DEPDC1: variants seen among roughly 807,000 people sequenced by gnomAD.
DEPDC1 encodes the protein DEP domain-containing protein 1A.
A neutral mutation model predicts 86.8 loss-of-function variants in DEPDC1; 66 were observed. That is an observed-to-expected ratio of 0.76 (90% CI 0.62 to 0.93). The LOEUF is 0.93. Among genes scored for constraint, DEPDC1 ranks in the 40% least tolerant of loss-of-function variants. DEPDC1 has a pLI of 0.00. For synonymous variants in DEPDC1, 255 were observed against 314.9 expected, an observed-to-expected ratio of 0.81 and a Z score of 2.02; for missense variants, 792 against 935.7, an observed-to-expected ratio of 0.85 and a Z score of 2.00.
At chr1:68,494,293 G>C (rs1646248699) in intron 2 of DEPDC1, 137 bp downstream of exon 2, 2 of 801,882 alleles carry the variant, frequency 2.5e-6, no homozygotes, top group Non-Finnish European at 3.7e-6. Context: ...AATGATTTTA[G>C]TTGAACTAAC....
At chr1:68,479,890 T>C (rs1341619654) in intron 9 of DEPDC1, among the ~76,000 whole-genome samples, 3 of 152,004 alleles carry the variant, frequency 2.0e-5, no homozygotes, top group Non-Finnish European at 2.9e-5. Flanking sequence ...TGTCACAATT[T>C]TATCAGTAAA....
Position 68,479,205 on chromosome 1 carries a change from T to G in DEPDC1, c.2051A>C (p.Gln684Pro). ...TGCAGTCTGTAAGTAAGAGGGTACT[T>G]GAAGAATTTCCTGATGATGATCCAT... ...FLMDHHQEIL[Q>P]VPSYLQTAVE... Residue 684 changes from glutamine to proline, a missense_variant, in exon 10 of 12, where the codon CAA becomes CCA. By Grantham distance (76) the Gln-to-Pro change is moderately conservative (BLOSUM62 -1). Coordinates refer to ENST00000456315, the MANE Select transcript of DEPDC1 (RefSeq NM_001114120.3). 6.2e-7 allele frequency: 1 copy of G among 1,612,250 alleles called. No individual in the cohort carries two copies. Among genetic ancestry groups the G allele is most frequent in the Non-Finnish European group, 8.5e-7 (1 of 1,179,294 alleles).
In DEPDC1 at chr1:68,476,686, C is replaced by A. The variant is rs550025262; in HGVS notation, c.*246G>T. The A allele has an allele frequency of 1.3e-5, 4 of 311,270 alleles. No homozygotes were observed. Among genetic ancestry groups the A allele is most frequent in the African/African-American group, 8.6e-5 (4 of 46,548 alleles). 19.3% of individuals were successfully genotyped at this position (311,270 alleles called of 1,614,324 possible). On this transcript the variant is annotated 3_prime_UTR_variant, in exon 12 of 12. Coordinates refer to ENST00000456315, the MANE Select transcript of DEPDC1 (RefSeq NM_001114120.3). The stretch of plus-strand genomic sequence containing the variant: ...AAAATTTTAGCACACATCATGATAG[C>A]CTTACTGGATAGCTGTGTTAAAAAC...
At position 68,482,061 on chromosome 1, in the gene DEPDC1, A is replaced by T. The variant is rs754677588; in HGVS notation, c.1747T>A (p.Leu583Met). 1.3e-6 allele frequency: 2 copies of T among 1,596,108 alleles called. No individual in the cohort carries two copies. The highest frequency in any genetic ancestry group is 1.7e-6 in the Non-Finnish European group (2 of 1,173,078). The change falls in exon 8 of 12, where the codon TTG (leucine) becomes ATG (methionine). Residue 583 changes from leucine to methionine, a missense_variant. Coordinates refer to ENST00000456315, the MANE Select transcript of DEPDC1 (RefSeq NM_001114120.3). ...ENSLLPASSMLTGTQSLLQPH... is the reference protein window; with the variant it reads ...ENSLLPASSMMTGTQSLLQPH... ...ACAGCCTTACTTTGTGTGCCAGTCA[A>T]CATAGAAGAAGCTGGAAGTAAAGAA...
chr1:68,479,776 C>A (rs1646141558), intron 9 of DEPDC1, among the ~76,000 whole-genome samples: 1 of 150,382 alleles, frequency 6.6e-6, no homozygotes, highest in Non-Finnish European at 1.5e-5. Context: ...GTACTCTAGC[C>A]TGGGAAACAG....
chr1:68,475,849 T>C lies in DEPDC1; in HGVS notation c.*1083A>G, dbSNP rs905554372. On this transcript the variant is annotated 3_prime_UTR_variant, in exon 12 of 12. Coordinates refer to ENST00000456315, the MANE Select transcript of DEPDC1 (RefSeq NM_001114120.3). ...TATAAAAAGCATTTAGGCCATTGAT[T>C]CTCACAGTTGGCTGAATATTGGAAT... The C allele has an allele frequency of 6.6e-6, 1 of 151,902 alleles. No individual in the cohort carries two copies. The highest frequency in any genetic ancestry group is 1.5e-5 in the Non-Finnish European group (1 of 67,858). 9.4% of individuals were successfully genotyped at this position (151,902 alleles called of 1,614,324 possible).
In DEPDC1 at chr1:68,482,421, G is replaced by C. The variant is rs779641961; in HGVS notation, c.1387C>G (p.Gln463Glu). ...NKLFLESKPKQEFLLNLHSEE... is the reference protein window; with the variant it reads ...NKLFLESKPKEEFLLNLHSEE... ...GAATGAAGATTCAACAGGAATTCCT[G>C]TTTGGGCTTAGACTCTAAAAACAGT... Residue 463 changes from glutamine (Q) to glutamate (E), a missense_variant, in exon 8 of 12, where the codon CAG (glutamine) becomes GAG (glutamate). By Grantham distance (29) the Gln-to-Glu change is conservative. Transcript: ENST00000456315. 3 of 1,612,800 alleles carry C rather than the reference G, an allele frequency of 1.9e-6. No homozygotes were observed. Among genetic ancestry groups the C allele is most frequent in the Non-Finnish European group, 2.5e-6 (3 of 1,179,254 alleles).
rs375613304 is a variant in DEPDC1 at position 68,477,705 on chromosome 1, A to G, written c.2298+82T>C. On this transcript the variant is annotated intron_variant, in intron 11 of 11. Coordinates refer to ENST00000456315, the MANE Select transcript of DEPDC1 (RefSeq NM_001114120.3). Reference sequence around the variant, plus strand: ...AAAATCTAAAATATTAAAATAAGAAAGTAGATTCTAAATGTTATTAACAAC... The same window carrying G: ...AAAATCTAAAATATTAAAATAAGAAGGTAGATTCTAAATGTTATTAACAAC... The G allele has an allele frequency of 1.1e-5, 10 of 896,830 alleles. No individual in the cohort carries two copies. In the South Asian group the frequency reaches 3.2e-4, roughly 29 times the overall value. The allele number at this position is 896,830 out of a possible 1,614,324, so 55.6% of individuals were successfully genotyped here. A position where few individuals can be genotyped will look rare whatever the true frequency, so the allele number is the denominator to read the frequency against.
chr1:68,496,891 T>A lies in DEPDC1; in HGVS notation c.48+61A>T. ...AAACTGCGAACGGTCGAGGTAAAAC[T>A]GCGAACAGTGGTGACTGCCGTCAGC... On this transcript the variant is annotated intron_variant, in intron 1 of 11. Transcript: ENST00000456315. This position sits in a 1 kb window ranked among gnomAD's most constrained non-coding sequence, Gnocchi z 4.0. The A allele has an allele frequency of 6.4e-7, 1 of 1,562,970 alleles. No homozygotes were observed. The highest frequency in any genetic ancestry group is 8.8e-7 in the Non-Finnish European group (1 of 1,139,304).
At chr1:68,478,937 C>T (rs146620146) in intron 10 of DEPDC1, among the ~76,000 whole-genome samples, 81 of 150,470 alleles carry the variant, frequency 5.4e-4, no homozygotes, top group African/African-American at 1.7e-3. Flanking sequence ...GAGCCATTGT[C>T]AAACACAGGA....
chr1:68,483,981 A>T lies in DEPDC1; in HGVS notation c.879T>A (p.Phe293Leu). The T allele has an allele frequency of 6.5e-7, 1 of 1,546,152 alleles. No homozygotes were observed. The highest frequency in any genetic ancestry group is 8.8e-7 in the Non-Finnish European group (1 of 1,140,866). ...TGTTTACAAATAATTCGTAATATTC[A>T]AAAGTAAGTAGAGGTTCAGGGAGAT... Reference protein sequence around the residue: ...FLDLPEPLLTFEYYELFVNIL... With the variant: ...FLDLPEPLLTLEYYELFVNIL... Residue 293 changes from phenylalanine (F) to leucine (L), a missense_variant, in exon 7 of 12, where the codon TTT becomes TTA. Phe to Leu is a conservative substitution (Grantham distance 22). Coordinates refer to ENST00000456315, the MANE Select transcript of DEPDC1 (RefSeq NM_001114120.3).
chr1:68,475,193 GCA>G lies in DEPDC1; in HGVS notation c.*1737_*1738del, dbSNP rs1240036537. Reference sequence around the variant, plus strand: ...GCACAGTAGGATTCAAACCTGACTGGCAGAGTTTGTTATTAAAGCATTGTACC... The same window carrying G: ...GCACAGTAGGATTCAAACCTGACTGGGAGTTTGTTATTAAAGCATTGTACC... On this transcript the variant is annotated 3_prime_UTR_variant, in exon 12 of 12. Transcript: ENST00000456315. The G allele has an allele frequency of 3.1e-5, 3 of 96,916 alleles. No individual in the cohort carries two copies. The highest frequency in any genetic ancestry group is 7.2e-5 in the Non-Finnish European group (3 of 41,870). 6.0% of individuals were successfully genotyped at this position (96,916 alleles called of 1,614,324 possible).
Position 68,482,160 on chromosome 1 carries a change from C to T in DEPDC1, c.1648G>A (p.Glu550Lys), listed in dbSNP as rs1278369763. 1 of 1,612,864 alleles carries T rather than the reference C, an allele frequency of 6.2e-7. No individual in the cohort carries two copies. The highest frequency in any genetic ancestry group is 2.2e-5 in the East Asian group (1 of 44,852). Residue 550 changes from glutamate (E) to lysine (K), a missense_variant, in exon 8 of 12, where the codon GAA (glutamate) becomes AAA (lysine). By Grantham distance (56) the Glu-to-Lys change is moderately conservative (BLOSUM62 1). Coordinates refer to ENST00000456315, the MANE Select transcript of DEPDC1 (RefSeq NM_001114120.3). ...QGSTSVQTAM[E>K]SELGESSATI... is the part of the protein sequence containing the mutation. ...GCACTAGACTCTCCGAGTTCACTTT[C>T]CATAGCTGTTTGCACACTTGTGCTG...
At chr1:68,486,635 G>A (rs1047683893) in intron 6 of DEPDC1, among the ~76,000 whole-genome samples, 3 of 151,746 alleles carry the variant, frequency 2.0e-5, no homozygotes, top group African/African-American at 7.3e-5. Flanking sequence ...GAGGCAATTA[G>A]TGTGGATTTC....
chr1:68,476,517 T>A lies in DEPDC1; in HGVS notation c.*415A>T, dbSNP rs1240563071. The A allele has an allele frequency of 6.5e-6, 1 of 152,688 alleles. No homozygotes were observed. The highest frequency in any genetic ancestry group is 2.4e-5 in the African/African-American group (1 of 41,436). The allele number at this position is 152,688 out of a possible 1,614,324, so 9.5% of individuals were successfully genotyped here. A position where few individuals can be genotyped will look rare whatever the true frequency, so the allele number is the denominator to read the frequency against. ...TTTTCAAATATTCTTCACATTCTTA[T>A]ACTTAGAAACAAAGAAGTAACCCCA... is the stretch of plus-strand genomic sequence containing the variant. On this transcript the variant is annotated 3_prime_UTR_variant, in exon 12 of 12. Transcript: ENST00000456315.
Position 68,479,216 on chromosome 1 carries a change from CTGA to C in DEPDC1, c.2037_2039del (p.His679del). On this transcript the variant is annotated inframe_deletion, in exon 10 of 12. Coordinates refer to ENST00000456315, the MANE Select transcript of DEPDC1 (RefSeq NM_001114120.3). ...AGTAAGAGGGTACTTGAAGAATTTC[CTGA>C]TGATGATCCATTAAGAAAGAAACTA... The C allele has an allele frequency of 6.2e-7, 1 of 1,612,254 alleles. No homozygotes were observed. Among genetic ancestry groups the C allele is most frequent in the Non-Finnish European group, 8.5e-7 (1 of 1,179,222 alleles).
At position 68,488,404 on chromosome 1, in the gene DEPDC1, G is replaced by A. The variant is rs369570198; in HGVS notation, c.691C>T (p.Arg231Cys). The A allele has an allele frequency of 8.8e-6, 14 of 1,595,592 alleles. No homozygotes were observed. The African/African-American group carries it at 9.5e-5, about 11-fold the overall frequency. The change falls in exon 5 of 12, where the codon CGT (arginine) becomes TGT (cysteine). Residue 231 changes from arginine (R) to cysteine (C), a missense_variant. By Grantham distance (180) the Arg-to-Cys change is radical (BLOSUM62 -3). Transcript: ENST00000456315. ...IMYNMANTSK[R>C]GVVILQNKSD... Reference sequence around the variant, plus strand: ...TTGTTTTGTAGTATAACTACTCCACGTTTACTTGTATTGGCCATGTTGTAC... The same window carrying A: ...TTGTTTTGTAGTATAACTACTCCACATTTACTTGTATTGGCCATGTTGTAC...
intron 2 of DEPDC1, among the ~76,000 whole-genome samples, chr1:68,492,533 C>A (rs1646236888): frequency 6.6e-6 from 1 of 151,700 alleles, no homozygotes; most frequent in Non-Finnish European, 1.5e-5. Context: ...ATAGTGAAAC[C>A]CCGTGTCCAC....
chr1:68,488,410 T>C lies in DEPDC1; in HGVS notation c.685A>G (p.Ser229Gly). The C allele has an allele frequency of 6.2e-7, 1 of 1,601,514 alleles. No individual in the cohort carries two copies. Among genetic ancestry groups the C allele is most frequent in the African/African-American group, 1.3e-5 (1 of 74,342 alleles). ...QYIMYNMANTSKRGVVILQNK... is the reference protein window; with the variant it reads ...QYIMYNMANTGKRGVVILQNK... Reference sequence around the variant, plus strand: ...TGTAGTATAACTACTCCACGTTTACTTGTATTGGCCATGTTGTACATTATA... The same window carrying C: ...TGTAGTATAACTACTCCACGTTTACCTGTATTGGCCATGTTGTACATTATA... The change falls in exon 5 of 12, where the codon AGT (serine) becomes GGT (glycine). Residue 229 changes from serine to glycine, a missense_variant. Physicochemically the swap from Ser to Gly is moderately conservative, Grantham distance 56. Coordinates refer to ENST00000456315, the MANE Select transcript of DEPDC1 (RefSeq NM_001114120.3).
Sources: allele counts gnomAD v4.1 joint callset (sites outside exome capture counted in the v4.1 genomes callset), GRCh38; gene constraint gnomAD v4.1.1; non-coding constraint Gnocchi (gnomAD v3.1); transcripts MANE v1.5; gene names NCBI Gene and HGNC (gene_info 2026-07-23, HGNC 2026-07-21).